Variants in TULP4 observed in about 807,000 individuals in gnomAD.
The protein encoded by TULP4 is TUB like protein 4.
In TULP4, 16 loss-of-function variants were observed where a neutral mutation model predicts 129.0. That is an observed-to-expected ratio of 0.12 (90% CI 0.08 to 0.19). The LOEUF (loss-of-function observed/expected upper bound fraction) is 0.19. Among genes scored for constraint, TULP4 ranks in the 10% least tolerant of loss-of-function variants. The pLI is 1.00. For synonymous variants in TULP4, 998 were observed against 854.0 expected (o/e 1.17, Z -2.94); for missense variants, 1,842 against 2,059.1 (o/e 0.89, Z 2.04).
intron 6 of TULP4, among the ~76,000 whole-genome samples, chr6:158,464,332 T>C (rs577281178): frequency 2.3e-4 from 35 of 152,318 alleles, no homozygotes; most frequent in African/African-American, 8.4e-4. Context: ...GCCATACACA[T>C]GTCACAGGTG....
At chr6:158,433,776 A>T (rs538285807) in intron 3 of TULP4, among the ~76,000 whole-genome samples, 1 of 152,334 alleles carries the variant, frequency 6.6e-6, no homozygotes, top group South Asian at 2.1e-4. Flanking sequence ...TGTTCAAAGG[A>T]TGTGTTTTAC....
At chr6:158,291,235 G>A (rs200668991) in intron 1 of TULP4, among the ~76,000 whole-genome samples, 7 of 152,070 alleles carry the variant, frequency 4.6e-5, no homozygotes, top group African/African-American at 1.2e-4. Flanking sequence ...GTTATATTGC[G>A]AGGTCAGTTG....
intron 3 of TULP4, among the ~76,000 whole-genome samples, chr6:158,442,471 C>T (rs1238675173): frequency 6.6e-6 from 1 of 151,918 alleles, no homozygotes; most frequent in Non-Finnish European, 1.5e-5. Context: ...CCCCAACAGG[C>T]TCTGACTACA....
intron 1 of TULP4, among the ~76,000 whole-genome samples, chr6:158,360,313 T>C (rs112667071): frequency 0.013 from 1,945 of 152,000 alleles, 45 homozygotes; most frequent in African/African-American, 0.045. Flanking sequence ...TCATGGAGGG[T>C]TTGGTAGGGT....
chr6:158,375,148 C>T (rs1157628854), intron 1 of TULP4, among the ~76,000 whole-genome samples: 2 of 152,116 alleles, frequency 1.3e-5, no homozygotes, highest in South Asian at 2.1e-4. Flanking sequence ...GAGGCTGAGA[C>T]AGGAGAATTG....
rs1447150650 is a variant in TULP4 at position 158,502,565 on chromosome 6, C to G, written c.2902C>G (p.Leu968Val). 1.2e-6 allele frequency: 2 copies of G among 1,606,348 alleles called. No homozygotes were observed. The highest frequency in any genetic ancestry group is 1.7e-6 in the Non-Finnish European group (2 of 1,179,890). Reference protein sequence around the residue: ...PPPYPEIASQLAQGRGAAQRS... With the variant: ...PPPYPEIASQVAQGRGAAQRS... Reference sequence around the variant, plus strand: ...CCCGTATCCTGAAATTGCCAGCCAGCTGGCCCAGGGGCGGGGGGCTGCCCA... The same window carrying G: ...CCCGTATCCTGAAATTGCCAGCCAGGTGGCCCAGGGGCGGGGGGCTGCCCA... Residue 968 changes from leucine to valine, a missense_variant, in exon 13 of 14, where the codon CTG becomes GTG. Physicochemically the swap from Leu to Val is conservative, Grantham distance 32. Around this residue, in one of 5 missense-constraint regions of TULP4, gnomAD observed 1,089 missense variants for 987.1 expected, o/e 1.10. Coordinates refer to ENST00000367097, the MANE Select transcript of TULP4 (RefSeq NM_020245.5).
intron 11 of TULP4, 46 bp downstream of exon 11, chr6:158,494,892 T>A: frequency 6.5e-7 from 1 of 1,539,958 alleles, no homozygotes; most frequent in African/African-American, 1.4e-5. Flanking sequence ...TGGAACAAAC[T>A]AAAACGTCCA....
intron 1 of TULP4, among the ~76,000 whole-genome samples, chr6:158,346,115 T>G (rs757614698): frequency 2.0e-5 from 3 of 152,136 alleles, no homozygotes; most frequent in Non-Finnish European, 4.4e-5. Context: ...TCCCTAAAAA[T>G]TGCTGTTATT....
chr6:158,446,781 G>A (rs1023879077), intron 3 of TULP4, among the ~76,000 whole-genome samples: 6 of 152,174 alleles, frequency 3.9e-5, no homozygotes, highest in Non-Finnish European at 5.9e-5. Context: ...CCTGGCTTGC[G>A]TTCTCCCTGG....
upstream of TULP4, chr6:158,310,550 G>C (rs1273665070): frequency 2.0e-5 from 3 of 151,882 alleles, no homozygotes; most frequent in Non-Finnish European, 2.9e-5. Context: ...CGAACTCCTG[G>C]TGCTACATTC....
chr6:158,425,032 T>A (rs1778444324), intron 2 of TULP4, among the ~76,000 whole-genome samples: 1 of 151,372 alleles, frequency 6.6e-6, no homozygotes, highest in Non-Finnish European at 1.5e-5. Context: ...TGGGCGCCTG[T>A]ATTCGCAGCT....
At chr6:158,242,348 G>C (rs1777938639) in intron 1 of TULP4, 3 of 1,524,196 alleles carry the variant, frequency 2.0e-6, no homozygotes, top group Non-Finnish European at 2.7e-6. Flanking sequence ...TTTCCCAATT[G>C]CTTTGAGCTG....
intron 1 of TULP4, among the ~76,000 whole-genome samples, chr6:158,304,388 A>G (rs1329181085): frequency 6.6e-6 from 1 of 152,222 alleles, no homozygotes; most frequent in Non-Finnish European, 1.5e-5. Flanking sequence ...GTACTGATAT[A>G]CAGGAATGTT....
At chr6:158,277,639 A>G (rs561008194), upstream of TULP4, among the ~76,000 whole-genome samples, 1 of 152,152 alleles carries the variant, frequency 6.6e-6, no homozygotes, top group East Asian at 1.9e-4. Context: ...TCGTGTAGGT[A>G]GTTGTCTTGT....
intron 9 of TULP4, among the ~76,000 whole-genome samples, chr6:158,490,509 AT>A (rs1038663550): frequency 2.0e-5 from 3 of 152,054 alleles, no homozygotes; most frequent in African/African-American, 2.4e-5. Flanking sequence ...TAATTCTGTG[AT>A]TTTTTTTCTG....
chr6:158,233,175 G>A (rs1019165413), intron 1 of TULP4, among the ~76,000 whole-genome samples: 3 of 152,180 alleles, frequency 2.0e-5, no homozygotes, highest in African/African-American at 7.2e-5. Flanking sequence ...GTCCGTTAGG[G>A]TCCTAATTCC....
chr6:158,239,051 G>C (rs1318780936), intron 1 of TULP4, among the ~76,000 whole-genome samples: 1 of 127,148 alleles, frequency 7.9e-6, no homozygotes, highest in African/African-American at 2.7e-5. Context: ...CTGGCCGGGC[G>C]GGGGGCTGAC....
At chr6:158,364,884 C>T (rs567919425) in intron 1 of TULP4, among the ~76,000 whole-genome samples, 19 of 152,144 alleles carry the variant, frequency 1.2e-4, no homozygotes, top group Middle Eastern at 3.4e-3. Flanking sequence ...TACAGGCGCC[C>T]GCCACCACGC....
chr6:158,469,630 T>C (rs561456072), intron 6 of TULP4, among the ~76,000 whole-genome samples: 13 of 151,902 alleles, frequency 8.6e-5, no homozygotes, highest in African/African-American at 3.1e-4. Flanking sequence ...TGGAAGGCGT[T>C]TGGGGATGAG....
Sources: allele counts gnomAD v4.1 joint callset (sites outside exome capture counted in the v4.1 genomes callset), GRCh38; gene constraint gnomAD v4.1.1; regional missense constraint gnomAD v4.1.1; transcripts MANE v1.5; gene names NCBI Gene and HGNC (gene_info 2026-07-23, HGNC 2026-07-21).